The following EXOC6B variants were observed in gnomAD, a reference collection of about 807,000 sequenced individuals.
EXOC6B encodes the protein SEC15 homolog B.
EXOC6B carries 54 observed loss-of-function variants against 113.5 expected under a neutral mutation model. That is an observed-to-expected ratio of 0.48 (90% CI 0.38 to 0.60). The LOEUF (loss-of-function observed/expected upper bound fraction) is 0.60, where lower values mean the gene tolerates loss of function less well. Among genes scored for constraint, EXOC6B ranks in the 20% least tolerant of loss-of-function variants. The pLI is 0.00. For synonymous variants in EXOC6B, 357 were observed against 339.0 expected (o/e 1.05, Z -0.58); for missense variants, 797 against 977.5 (o/e 0.82, Z 2.46).
intron 2 of EXOC6B, among the ~76,000 whole-genome samples, chr2:72,737,065 G>A (rs1166039799): frequency 2.6e-5 from 4 of 152,166 alleles, no homozygotes; most frequent in Non-Finnish European, 5.9e-5. Context: ...GGCCAGGCAT[G>A]GTGGTTCATG....
intron 6 of EXOC6B, among the ~76,000 whole-genome samples, chr2:72,634,152 CAAGAA>C (rs1213448801): frequency 6.6e-6 from 1 of 152,044 alleles, no homozygotes; most frequent in Non-Finnish European, 1.5e-5. Flanking sequence ...GAGAAAGACT[CAAGAA>C]GAGACTAGTA....
chr2:72,491,040 A>C (rs1010268819), intron 16 of EXOC6B, among the ~76,000 whole-genome samples: 1 of 152,196 alleles, frequency 6.6e-6, no homozygotes, highest in Non-Finnish European at 1.5e-5. Flanking sequence ...AAAACACTAT[A>C]ATCTAACAAA....
chr2:72,796,219 G>A lies in EXOC6B; in HGVS notation c.113+29579C>T, dbSNP rs1199456549. ...TGTAATCCCAGCACTTTGGAAGGCC[G>A]AGGCGGGTGGATCACCTGAGGTCAC... On this transcript the variant is annotated intron_variant, in intron 1 of 21. Transcript: ENST00000272427. Among the ~76,000 whole-genome samples the A allele has an allele frequency of 2.6e-5, 4 of 151,390 alleles. No individual in the cohort carries two copies. The South Asian group carries it at 6.3e-4, about 24-fold the overall frequency.
intron 6 of EXOC6B, among the ~76,000 whole-genome samples, chr2:72,580,374 C>G (rs574763324): frequency 1.7e-4 from 26 of 152,054 alleles, no homozygotes; most frequent in African/African-American, 5.5e-4. Flanking sequence ...AACTCCTGAC[C>G]TCAAATGATC....
At chr2:72,388,712 T>C (rs1285533051) in intron 18 of EXOC6B, among the ~76,000 whole-genome samples, 1 of 152,148 alleles carries the variant, frequency 6.6e-6, no homozygotes, top group Admixed American at 6.6e-5. Flanking sequence ...CTGCCAGTTT[T>C]TGTTTGATGC....
chr2:72,395,622 G>C (rs1222109174), intron 18 of EXOC6B, among the ~76,000 whole-genome samples: 1 of 152,064 alleles, frequency 6.6e-6, no homozygotes, highest in African/African-American at 2.4e-5. Context: ...CATATTATGG[G>C]AAATGGTAGT....
intron 20 of EXOC6B, among the ~76,000 whole-genome samples, chr2:72,324,328 T>C (rs1272256568): frequency 6.6e-6 from 1 of 152,196 alleles, no homozygotes; most frequent in Non-Finnish European, 1.5e-5. Context: ...TCTCAATTCC[T>C]TACTTTCTGA....
chr2:72,216,480 G>A, intron 20 of EXOC6B, among the ~76,000 whole-genome samples: 1 of 152,188 alleles, frequency 6.6e-6, no homozygotes, highest in Non-Finnish European at 1.5e-5. Flanking sequence ...CAACCATTGT[G>A]GAAGACAGTG....
chr2:72,203,726 C>A (rs1476133003), intron 20 of EXOC6B, among the ~76,000 whole-genome samples: 1 of 152,106 alleles, frequency 6.6e-6, no homozygotes, highest in Non-Finnish European at 1.5e-5. Context: ...ATTGTATTCC[C>A]ACATTCTCAA....
intron 18 of EXOC6B, among the ~76,000 whole-genome samples, chr2:72,413,036 G>A (rs1694282682): frequency 6.6e-6 from 1 of 151,976 alleles, no homozygotes; most frequent in African/African-American, 2.4e-5. Flanking sequence ...TCAGCTCACT[G>A]CAGGCTCCGC....
intron 18 of EXOC6B, among the ~76,000 whole-genome samples, chr2:72,435,714 CTTTTTTTTTGT>C (rs1205847215): frequency 2.4e-5 from 3 of 126,482 alleles, no homozygotes; most frequent in African/African-American, 7.4e-5. Context: ...GCATCCCCTG[CTTTTTTTTTGT>C]TTTTTTTTTG....
intron 6 of EXOC6B, among the ~76,000 whole-genome samples, chr2:72,588,289 C>G (rs552505141): frequency 9.9e-5 from 15 of 152,010 alleles, no homozygotes; most frequent in African/African-American, 3.6e-4. Flanking sequence ...AAACATTCAT[C>G]AAAGGATGAA....
chr2:72,721,862 T>C (rs1680027437), intron 5 of EXOC6B: 1 of 151,994 alleles, frequency 6.6e-6, no homozygotes, highest in Admixed American at 6.5e-5. Context: ...ATCTTATCAG[T>C]TTAATATCTG....
chr2:72,463,304 T>G (rs1022044812), intron 18 of EXOC6B: 5 of 152,124 alleles, frequency 3.3e-5, no homozygotes, highest in African/African-American at 1.2e-4. Context: ...GACATAATTT[T>G]CTGCAGATAA....
At chr2:72,589,213 A>G (rs528717613) in intron 6 of EXOC6B, among the ~76,000 whole-genome samples, 2 of 152,148 alleles carry the variant, frequency 1.3e-5, no homozygotes, top group South Asian at 4.1e-4. Flanking sequence ...CACTTGAAAC[A>G]ATATAAATTC....
intron 1 of EXOC6B, among the ~76,000 whole-genome samples, chr2:72,800,314 CAGTTAAATGATGAGTAATCAA>C (rs1685209435): frequency 6.6e-6 from 1 of 151,818 alleles, no homozygotes; most frequent in Non-Finnish European, 1.5e-5. Flanking sequence ...TCTTATCACC[CAGTTAAATGATGAGTAATCAA>C]AGGAAAGATA....
chr2:72,264,180 G>A (rs893306259), intron 20 of EXOC6B, among the ~76,000 whole-genome samples: 5 of 152,124 alleles, frequency 3.3e-5, no homozygotes, highest in African/African-American at 1.2e-4. Flanking sequence ...TCCATCCACT[G>A]AATGAGAACA....
At chr2:72,404,720 T>A (rs1693604886) in intron 18 of EXOC6B, among the ~76,000 whole-genome samples, 1 of 151,936 alleles carries the variant, frequency 6.6e-6, no homozygotes, top group African/African-American at 2.4e-5. Flanking sequence ...ATCACCATCA[T>A]CAAAGACCAA....
chr2:72,226,067 C>T (rs916356957), intron 20 of EXOC6B, among the ~76,000 whole-genome samples: 1 of 151,914 alleles, frequency 6.6e-6, no homozygotes, highest in African/African-American at 2.4e-5. Flanking sequence ...ATGTAAAACC[C>T]CTTTTAAAAG....
Sources: allele counts gnomAD v4.1 joint callset (sites outside exome capture counted in the v4.1 genomes callset), GRCh38; gene constraint gnomAD v4.1.1; transcripts MANE v1.5; gene names NCBI Gene and HGNC (gene_info 2026-07-23, HGNC 2026-07-21).